Variants in PRDM16 observed in about 807,000 individuals in gnomAD.
The protein encoded by PRDM16 is PR/SET domain 16, also known as histone-lysine N-methyltransferase PRDM16.
A neutral mutation model predicts 110.6 loss-of-function variants in PRDM16; 23 were observed. The ratio of observed to expected loss-of-function variants is 0.21; its 90% CI spans 0.15 to 0.29. The LOEUF (loss-of-function observed/expected upper bound fraction) is 0.29, where lower values mean the gene tolerates loss of function less well. Among genes scored for constraint, PRDM16 ranks in the 10% least tolerant of loss-of-function variants. PRDM16 has a pLI of 1.00. For missense variants in PRDM16, 1,615 were observed against 1,794.3 expected (o/e 0.90, Z 1.81); for synonymous variants, 799 against 781.8 (o/e 1.02, Z -0.37).
intron 15 of PRDM16, among the ~76,000 whole-genome samples, chr1:3,431,621 T>TGGGA (rs199718252): frequency 0.086 from 13,103 of 152,248 alleles, 622 homozygotes; most frequent in Middle Eastern, 0.11. Context: ...ATGCTGCCCC[T>TGGGA]GAGTCCTGGG....
chr1:3,379,767 C>G (rs1643067142), intron 3 of PRDM16, among the ~76,000 whole-genome samples: 2 of 6,322 alleles, frequency 3.2e-4, no homozygotes, highest in African/African-American at 1.5e-3. Flanking sequence ...TCCCAACACA[C>G]CCCTCCCAAC....
intron 1 of PRDM16, among the ~76,000 whole-genome samples, chr1:3,124,641 C>T (rs947547975): frequency 6.6e-6 from 1 of 152,244 alleles, no homozygotes; most frequent in African/African-American, 2.4e-5. Flanking sequence ...ATCTGCGGTC[C>T]TGCCAGGCCT....
chr1:3,329,160 C>A (rs1371848193), intron 3 of PRDM16, among the ~76,000 whole-genome samples: 3 of 152,246 alleles, frequency 2.0e-5, no homozygotes, highest in African/African-American at 7.2e-5. Context: ...CATCCTGTCC[C>A]AGCAGTTGTA....
chr1:3,205,206 C>T (rs1024763273), intron 2 of PRDM16, among the ~76,000 whole-genome samples: 8 of 152,018 alleles, frequency 5.3e-5, no homozygotes, highest in Non-Finnish European at 8.8e-5. Flanking sequence ...TGGAAATAAT[C>T]CCCCGACGGG....
chr1:3,187,653 C>T (rs964049759), intron 2 of PRDM16, among the ~76,000 whole-genome samples: 12 of 152,178 alleles, frequency 7.9e-5, no homozygotes, highest in Non-Finnish European at 1.2e-4. Context: ...GAGGCTGCCC[C>T]GCACGCTGCA....
intron 3 of PRDM16, among the ~76,000 whole-genome samples, chr1:3,260,848 T>C (rs1484511069): frequency 1.4e-5 from 2 of 145,534 alleles, no homozygotes; most frequent in Non-Finnish European, 3.0e-5. Context: ...AGCCTCAAGG[T>C]CCCATCTAGA....
At chr1:3,106,474 T>C (rs970103090) in intron 1 of PRDM16, among the ~76,000 whole-genome samples, 3 of 152,066 alleles carry the variant, frequency 2.0e-5, no homozygotes, top group Admixed American at 6.5e-5. Flanking sequence ...ATGGATAGCT[T>C]TGCCTGGCTC....
intron 3 of PRDM16, among the ~76,000 whole-genome samples, chr1:3,366,575 T>C (rs1386422702): frequency 1.3e-5 from 2 of 152,164 alleles, no homozygotes; most frequent in Non-Finnish European, 2.9e-5. Flanking sequence ...AGAAAGGGGC[T>C]AGTAGTAAGC....
At chr1:3,367,232 G>T (rs1642832082) in intron 3 of PRDM16, among the ~76,000 whole-genome samples, 1 of 151,984 alleles carries the variant, frequency 6.6e-6, no homozygotes, top group Non-Finnish European at 1.5e-5. Flanking sequence ...TGGCACCATT[G>T]CACTCCAGCC....
At chr1:3,199,457 G>A (rs1265723392) in intron 2 of PRDM16, among the ~76,000 whole-genome samples, 2 of 152,214 alleles carry the variant, frequency 1.3e-5, no homozygotes, top group African/African-American at 4.8e-5. Context: ...CACCTACAGA[G>A]GCTGGCTGGC....
At chr1:3,418,024 A>G in intron 11 of PRDM16, 27 bp downstream of exon 11, 1 of 1,598,232 alleles carries the variant, frequency 6.3e-7, no homozygotes, top group Non-Finnish European at 8.5e-7. Context: ...TGCTGCTGGG[A>G]CAGCCCTGGC....
chr1:3,285,768 GC>G (rs892646736), intron 3 of PRDM16, among the ~76,000 whole-genome samples: 5 of 152,052 alleles, frequency 3.3e-5, no homozygotes, highest in Non-Finnish European at 7.4e-5. Context: ...GCAGAGGAAA[GC>G]CCCCCCACCA....
At chr1:3,099,270 G>A (rs947731920) in intron 1 of PRDM16, among the ~76,000 whole-genome samples, 6 of 152,362 alleles carry the variant, frequency 3.9e-5, no homozygotes, top group African/African-American at 1.4e-4. Context: ...CTCCCACTGA[G>A]GGACCCCGAA....
intron 2 of PRDM16, among the ~76,000 whole-genome samples, chr1:3,242,898 A>G (rs1037615608): frequency 1.3e-5 from 2 of 152,172 alleles, no homozygotes; most frequent in African/African-American, 2.4e-5. Flanking sequence ...CGTATACTCG[A>G]CCGTGCATGG....
intron 1 of PRDM16, among the ~76,000 whole-genome samples, chr1:3,173,531 G>T (rs556318756): frequency 6.6e-6 from 1 of 152,244 alleles, no homozygotes; most frequent in Non-Finnish European, 1.5e-5. Flanking sequence ...GATTCAGCTC[G>T]GCTGGTCAGG....
chr1:3,266,603 G>A (rs992093028), intron 3 of PRDM16, among the ~76,000 whole-genome samples: 9 of 152,210 alleles, frequency 5.9e-5, no homozygotes, highest in Admixed American at 6.5e-5. Context: ...CTCGCAGGCG[G>A]GAGGCACGGG....
At chr1:3,432,319 G>A (rs374589719) in intron 16 of PRDM16, among the ~76,000 whole-genome samples, 179 bp downstream of exon 16, 19 of 152,324 alleles carry the variant, frequency 1.2e-4, no homozygotes, top group East Asian at 7.7e-4. Flanking sequence ...AAGCTGGGGC[G>A]CAGCAGGGAG....
chr1:3,382,251 C>T lies in PRDM16; in HGVS notation c.439-2901C>T, dbSNP rs1486372976. 6.6e-6 allele frequency among the ~76,000 whole-genome samples: 1 copy of T among 152,226 alleles called. No individual in the cohort carries two copies. Among genetic ancestry groups the T allele is most frequent in the Admixed American group, 6.5e-5 (1 of 15,292 alleles). The stretch of plus-strand genomic sequence containing the variant: ...CCAGCCGCTTGTGGCCTCCTCCCTC[C>T]CATGCCACGCCCCTGCCACCCCTGT... On this transcript the variant is annotated intron_variant, in intron 3 of 16. Coordinates refer to ENST00000270722, the MANE Select transcript of PRDM16 (RefSeq NM_022114.4). The surrounding 1 kb of genome is among the most constrained non-coding windows in gnomAD (Gnocchi z 6.6).
At chr1:3,365,954 G>A (rs867479843) in intron 3 of PRDM16, among the ~76,000 whole-genome samples, 1 of 150,334 alleles carries the variant, frequency 6.7e-6, no homozygotes, top group African/African-American at 2.5e-5. Context: ...GCACACGCAT[G>A]CACACATGCA....
Sources: allele counts gnomAD v4.1 joint callset (sites outside exome capture counted in the v4.1 genomes callset), GRCh38; gene constraint gnomAD v4.1.1; non-coding constraint Gnocchi (gnomAD v3.1); transcripts MANE v1.5; gene names NCBI Gene and HGNC (gene_info 2026-07-23, HGNC 2026-07-21).